The following LIG1 variants were observed in gnomAD, a reference collection of about 807,000 sequenced individuals.
The protein encoded by LIG1 is DNA ligase 1.
A neutral mutation model predicts 115.7 loss-of-function variants in LIG1; 70 were observed. The ratio of observed to expected loss-of-function variants is 0.60; its 90% CI spans 0.50 to 0.74. The LOEUF (loss-of-function observed/expected upper bound fraction) is 0.74, where lower values mean the gene tolerates loss of function less well. Among genes scored for constraint, LIG1 ranks in the 30% least tolerant of loss-of-function variants. LIG1 has a pLI of 0.00. For missense variants in LIG1, 1,115 were observed against 1,225.6 expected (o/e 0.91, Z 1.35); for synonymous variants, 487 against 495.3 (o/e 0.98, Z 0.22).
chr19:48,157,280 G>C, intron 4 of LIG1, 140 bp from the exon 5 acceptor site: 1 of 885,868 alleles, frequency 1.1e-6, no homozygotes, highest in Non-Finnish European at 1.6e-6. Context: ...CTCAGGGGTG[G>C]CCTCTTCTCA....
intron 25 of LIG1, among the ~76,000 whole-genome samples, chr19:48,118,273 C>T (rs2033005590): frequency 6.6e-6 from 1 of 152,136 alleles, no homozygotes; most frequent in African/African-American, 2.4e-5. Flanking sequence ...TCATAGCTCC[C>T]AAAATCCCCA....
At chr19:48,165,698 TAAGA>T (rs2036443145) in intron 1 of LIG1, 75 bp from the exon 2 acceptor site, 5 of 1,023,312 alleles carry the variant, frequency 4.9e-6, no homozygotes, top group East Asian at 2.6e-5. Flanking sequence ...ACCCTTTCTT[TAAGA>T]AAGAAAGAAA....
chr19:48,137,704 C>T lies in LIG1; in HGVS notation c.1088-16G>A, dbSNP rs371357775. On this transcript the variant is annotated splice_polypyrimidine_tract_variant and intron_variant, in intron 12 of 27. Coordinates refer to ENST00000263274, the MANE Select transcript of LIG1 (RefSeq NM_000234.3). The surrounding 1 kb of genome is among the most constrained non-coding windows in gnomAD (Gnocchi z 4.3). ...AGCTGCCGACCTTCAGGGGAGAGCGCGGGTGGGGGTGTCGAGGGTGACAGT... is the reference window on the plus strand; with the variant it reads ...AGCTGCCGACCTTCAGGGGAGAGCGTGGGTGGGGGTGTCGAGGGTGACAGT... 5.0e-5 allele frequency: 80 copies of T among 1,600,692 alleles called. No individual in the cohort carries two copies. In the African/African-American group the frequency reaches 6.9e-4, roughly 14 times the overall value.
At position 48,137,385 on chromosome 19, in the gene LIG1, GGA is replaced by G. The variant is rs1162422450; in HGVS notation, c.1254+135_1254+136del. On this transcript the variant is annotated intron_variant, in intron 13 of 27. Transcript: ENST00000263274. The surrounding 1 kb of genome is among the most constrained non-coding windows in gnomAD (Gnocchi z 4.3). Reference sequence around the variant, plus strand: ...CCCCTAGGATTGGGTGCAGGAAGGAGGAGAGGAAGCTGTGCACCCCATGAGAA... The same window carrying G: ...CCCCTAGGATTGGGTGCAGGAAGGAGGAGGAAGCTGTGCACCCCATGAGAA... 8.9e-6 allele frequency: 10 copies of G among 1,120,110 alleles called. No individual in the cohort carries two copies. The African/African-American group carries it at 1.4e-4, about 15-fold the overall frequency. The allele number at this position is 1,120,110 out of a possible 1,614,324, so 69.4% of individuals were successfully genotyped here.
intron 1 of LIG1, among the ~76,000 whole-genome samples, chr19:48,166,737 G>A (rs894557978): frequency 2.0e-5 from 3 of 152,006 alleles, no homozygotes; most frequent in East Asian, 1.9e-4. Context: ...TTGGGAGGCC[G>A]AAGCGGGTGG....
At chr19:48,168,893 G>C (rs749223907) in intron 1 of LIG1, among the ~76,000 whole-genome samples, 17 of 152,222 alleles carry the variant, frequency 1.1e-4, no homozygotes, top group Middle Eastern at 3.4e-3. Flanking sequence ...CCGCTGACTT[G>C]TACATTTTAA....
At chr19:48,133,891 TGA>T (rs2034203956) in intron 17 of LIG1, 88 bp downstream of exon 17, 2 of 1,063,830 alleles carry the variant, frequency 1.9e-6, no homozygotes, top group South Asian at 1.4e-5. Flanking sequence ...CTGCAAGTTC[TGA>T]GAGGGGCGCC....
intron 23 of LIG1, 147 bp from the exon 24 acceptor site, chr19:48,121,469 G>A (rs251690): frequency 0.34 from 247,355 of 729,744 alleles, 45,196 homozygotes; most frequent in East Asian, 0.56. Flanking sequence ...ATGGCCCCTG[G>A]GAAGAGACTG....
intron 18 of LIG1, among the ~76,000 whole-genome samples, 192 bp downstream of exon 18, chr19:48,132,790 C>CAAAAAAAAAAAAAAAAAAA (rs71181649): frequency 4.1e-5 from 2 of 48,258 alleles, no homozygotes; most frequent in Non-Finnish European, 6.7e-5. Context: ...GACTCTGTCT[C>CAAAAAAAAAAAAAAAAAAA]AAAAAAAAAA....
chr19:48,127,841 C>T (rs1348544483), intron 20 of LIG1, 69 bp downstream of exon 20: 26 of 1,323,362 alleles, frequency 2.0e-5, no homozygotes, highest in Non-Finnish European at 2.8e-5. Flanking sequence ...GGGCAGGACC[C>T]ACAGCCAGGA....
chr19:48,151,244 G>A lies in LIG1; in HGVS notation c.562C>T (p.Leu188=). The change falls in exon 7 of 28, where the codon CTA becomes TTA. Residue 188 remains leucine (L), a synonymous_variant. Transcript: ENST00000263274. ...ACCAGAAACTCACTGGAGGTCTTTA[G>A]GGGCTTGGGAGGCGTGGTGGGCTGG... ...GDQPTTPPKP[L]KTSKAETPTE... 1 of 1,612,750 alleles carries A rather than the reference G, an allele frequency of 6.2e-7. No homozygotes were observed. Among genetic ancestry groups the A allele is most frequent in the Non-Finnish European group, 8.5e-7 (1 of 1,178,798 alleles).
intron 12 of LIG1, among the ~76,000 whole-genome samples, chr19:48,139,122 A>G (rs2034577369): frequency 1.3e-5 from 2 of 152,130 alleles, no homozygotes; most frequent in Admixed American, 1.3e-4. Context: ...TCCTACACTG[A>G]CCAGCCCGAA....
chr19:48,137,096 G>A lies in LIG1; in HGVS notation c.1255-12C>T, dbSNP rs773132441. 1 of 1,609,144 alleles carries A rather than the reference G, an allele frequency of 6.2e-7. No homozygotes were observed. The highest frequency in any genetic ancestry group is 8.5e-7 in the Non-Finnish European group (1 of 1,176,796). On this transcript the variant is annotated splice_polypyrimidine_tract_variant and intron_variant, in intron 13 of 27. Coordinates refer to ENST00000263274, the MANE Select transcript of LIG1 (RefSeq NM_000234.3). The surrounding 1 kb of genome is among the most constrained non-coding windows in gnomAD (Gnocchi z 4.3). ...TTCTTGGCTGTGGACTGGAGAGTCA[G>A]GGGAAGAGCCGTCAGTGCCTGGTGA... is the stretch of plus-strand genomic sequence containing the variant.
intron 1 of LIG1, among the ~76,000 whole-genome samples, chr19:48,168,101 G>T (rs1273013155): frequency 6.6e-6 from 1 of 152,160 alleles, no homozygotes; most frequent in South Asian, 2.1e-4. Context: ...GCACAGAGGG[G>T]TTTTCAAAGG....
intron 2 of LIG1, among the ~76,000 whole-genome samples, chr19:48,164,234 G>A (rs1297397147): frequency 6.6e-6 from 1 of 152,050 alleles, no homozygotes; most frequent in Non-Finnish European, 1.5e-5. Context: ...AAAAGCCAGT[G>A]GACAGAAAGC....
intron 21 of LIG1, among the ~76,000 whole-genome samples, chr19:48,125,185 A>C (rs1166110993): frequency 1.3e-5 from 2 of 152,220 alleles, no homozygotes; most frequent in East Asian, 3.8e-4. Flanking sequence ...AATTTTAAAG[A>C]AGGAATATTT....
At chr19:48,119,277 G>A (rs2033094480) in intron 24 of LIG1, 87 bp from the exon 25 acceptor site, 3 of 1,054,268 alleles carry the variant, frequency 2.8e-6, no homozygotes, top group Admixed American at 2.0e-5. Context: ...TACACTCATG[G>A]CCCCCACCCC....
intron 11 of LIG1, among the ~76,000 whole-genome samples, chr19:48,142,701 T>G (rs1194225377): frequency 2.0e-5 from 3 of 152,094 alleles, no homozygotes; most frequent in African/African-American, 4.8e-5. Context: ...TGGAGTGTAA[T>G]AGCGTGATCT....
rs1056548279 is a variant in LIG1 at position 48,141,645 on chromosome 19, G to A, written c.915-1502C>T. ...CACCAAGCTGCACCACCTCTAAAAC[G>A]AAAACCGTGTTTCTGTCTAAAACTT... On this transcript the variant is annotated intron_variant, in intron 11 of 27. Transcript: ENST00000263274. Among the ~76,000 whole-genome samples, 12 of 152,306 alleles carry A rather than the reference G, an allele frequency of 7.9e-5. No individual in the cohort carries two copies. The South Asian group carries it at 1.2e-3, about 16-fold the overall frequency.
Sources: allele counts gnomAD v4.1 joint callset (sites outside exome capture counted in the v4.1 genomes callset), GRCh38; gene constraint gnomAD v4.1.1; non-coding constraint Gnocchi (gnomAD v3.1); transcripts MANE v1.5; gene names NCBI Gene and HGNC (gene_info 2026-07-23, HGNC 2026-07-21).